GPHN: variants seen among roughly 807,000 people sequenced by gnomAD.
GPHN encodes the protein gephyrin.
Under a neutral mutation model 95.5 loss-of-function variants are expected in GPHN, and 17 were observed. That is an observed-to-expected ratio of 0.18 (90% CI 0.12 to 0.27). The LOEUF (loss-of-function observed/expected upper bound fraction) is 0.27, where lower values mean the gene tolerates loss of function less well. Among genes scored for constraint, GPHN ranks in the 10% least tolerant of loss-of-function variants. GPHN has a pLI of 1.00. For synonymous variants in GPHN, 320 were observed against 322.5 expected (o/e 0.99, Z 0.08); for missense variants, 660 against 978.1 (o/e 0.67, Z 4.34).
At chr14:67,081,955 A>G (rs2076711873) in intron 11 of GPHN, among the ~76,000 whole-genome samples, 2 of 152,164 alleles carry the variant, frequency 1.3e-5, no homozygotes, top group Non-Finnish European at 2.9e-5. Flanking sequence ...TCATTGGTCT[A>G]TGTGCCTATT....
At chr14:66,771,797 T>C (rs1464559989) in intron 2 of GPHN, among the ~76,000 whole-genome samples, 1 of 140,310 alleles carries the variant, frequency 7.1e-6, no homozygotes, top group Admixed American at 7.9e-5. Context: ...CATTGTTCAA[T>C]TCGCACCTAT....
chr14:66,838,511 C>G (rs1222922537), intron 4 of GPHN, among the ~76,000 whole-genome samples: 1 of 152,076 alleles, frequency 6.6e-6, no homozygotes, highest in African/African-American at 2.4e-5. Context: ...TTGAAATCAC[C>G]TTTCCAGTTC....
chr14:67,318,562 T>C, the GPHN span, among the ~76,000 whole-genome samples: 5 of 152,222 alleles, frequency 3.3e-5, no homozygotes, highest in Admixed American at 1.3e-4. Flanking sequence ...GTCTTGATTA[T>C]ACGTGTTAGA....
intron 1 of GPHN, among the ~76,000 whole-genome samples, chr14:66,577,650 G>C (rs1340526098): frequency 6.6e-6 from 1 of 152,108 alleles, no homozygotes; most frequent in East Asian, 1.9e-4. Context: ...TAGGAATCCT[G>C]ATCTTTACTG....
At chr14:67,360,310 C>G in the GPHN span, 4,158 of 398,416 alleles carry the variant, frequency 0.01, 152 homozygotes, top group African/African-American at 0.077. Flanking sequence ...AGCGCTTGCG[C>G]ATGCGAGGAG....
chr14:66,930,008 G>A (rs972379931), intron 8 of GPHN, among the ~76,000 whole-genome samples: 1 of 152,108 alleles, frequency 6.6e-6, no homozygotes, highest in Non-Finnish European at 1.5e-5. Context: ...ACCGCGCCCG[G>A]CCGTCTGTGT....
At chr14:67,127,449 AAGG>A (rs1405127615) in intron 17 of GPHN, among the ~76,000 whole-genome samples, 1 of 152,218 alleles carries the variant, frequency 6.6e-6, no homozygotes, top group Non-Finnish European at 1.5e-5. Flanking sequence ...GACTGGAAAT[AAGG>A]AGAACAATAC....
the GPHN span, among the ~76,000 whole-genome samples, chr14:67,277,061 A>C: frequency 6.6e-6 from 1 of 152,252 alleles, no homozygotes; most frequent in Non-Finnish European, 1.5e-5. Flanking sequence ...AAAACTAAGC[A>C]TAGCACTGTA....
chr14:67,672,178 G>A, the GPHN span, among the ~76,000 whole-genome samples: 1 of 150,980 alleles, frequency 6.6e-6, no homozygotes, highest in Non-Finnish European at 1.5e-5. Flanking sequence ...GAGTGCAGTG[G>A]TGCGATCTTG....
At chr14:67,655,142 G>A in the GPHN span, among the ~76,000 whole-genome samples, 3 of 151,354 alleles carry the variant, frequency 2.0e-5, no homozygotes, top group Non-Finnish European at 2.9e-5. Flanking sequence ...GAGTTCGAGA[G>A]CAACTTTGGC....
intron 9 of GPHN, among the ~76,000 whole-genome samples, chr14:66,995,607 G>T (rs1223692695): frequency 2.0e-5 from 3 of 152,136 alleles, no homozygotes; most frequent in African/African-American, 7.2e-5. Context: ...ATTCTGCTGT[G>T]CTTGGCACTG....
At chr14:66,714,584 C>T (rs2069986903) in intron 2 of GPHN, among the ~76,000 whole-genome samples, 1 of 152,122 alleles carries the variant, frequency 6.6e-6, no homozygotes, top group Non-Finnish European at 1.5e-5. Flanking sequence ...TTCAACTTTT[C>T]CCCATTCAGT....
At chr14:67,145,795 T>C (rs1349425702) in intron 18 of GPHN, among the ~76,000 whole-genome samples, 1 of 152,086 alleles carries the variant, frequency 6.6e-6, no homozygotes, top group Admixed American at 6.5e-5. Context: ...AATTCAGAAG[T>C]ATTATGTAGC....
chr14:67,726,046 T>A, the GPHN span: 1 of 1,606,792 alleles, frequency 6.2e-7, no homozygotes, highest in Non-Finnish European at 8.5e-7. Context: ...GGTTGTGCCC[T>A]ATAGAGGAAA....
chr14:67,044,478 A>G (rs997228963), intron 10 of GPHN, among the ~76,000 whole-genome samples: 18 of 151,996 alleles, frequency 1.2e-4, no homozygotes, highest in African/African-American at 3.9e-4. Context: ...GAATTCACCA[A>G]TTTTTAGGAA....
At chr14:67,120,186 A>G (rs1054592746) in intron 16 of GPHN, among the ~76,000 whole-genome samples, 1 of 151,834 alleles carries the variant, frequency 6.6e-6, no homozygotes, top group African/African-American at 2.4e-5. Flanking sequence ...AAAATGGGAA[A>G]TTGAACTTGG....
chr14:66,612,443 T>G (rs533500897), intron 1 of GPHN, among the ~76,000 whole-genome samples: 1 of 152,146 alleles, frequency 6.6e-6, no homozygotes, highest in East Asian at 1.9e-4. Context: ...CTATACAAAA[T>G]AAACACAATG....
At chr14:66,793,401 A>C (rs1352764696) in intron 3 of GPHN, among the ~76,000 whole-genome samples, 1 of 152,234 alleles carries the variant, frequency 6.6e-6, no homozygotes, top group Non-Finnish European at 1.5e-5. Context: ...TGGTATGTCA[A>C]ATCCACAGGA....
chr14:66,783,246 G>A (rs1566940596), intron 3 of GPHN, among the ~76,000 whole-genome samples: 5 of 152,180 alleles, frequency 3.3e-5, no homozygotes, highest in Admixed American at 3.3e-4. Flanking sequence ...TCCCACAGAA[G>A]TAAGTGGCAT....
Sources: gnomAD v4.1 joint callset for allele counts (sites outside exome capture counted in the v4.1 genomes callset) on GRCh38, gnomAD v4.1.1 for gene constraint, MANE v1.5 for transcripts, NCBI Gene and HGNC (gene_info 2026-07-23, HGNC 2026-07-21) for gene names.